ORC3: variants seen among roughly 807,000 people sequenced by gnomAD.
ORC3 encodes the protein homolog of latheo, Drosophila.
ORC3 carries 78 observed loss-of-function variants against 100.7 expected under a neutral mutation model. That is an observed-to-expected ratio of 0.77 (90% CI 0.65 to 0.94). ORC3 has a LOEUF of 0.94. Ranked by LOEUF, ORC3 falls within the 40% of genes least tolerant of loss-of-function variation. The probability of loss-of-function intolerance (pLI) is 0.00; values close to 1 mark genes in which losing one functional copy is unlikely to be tolerated. For synonymous variants in ORC3, 295 were observed against 289.3 expected (o/e 1.02, Z -0.20); for missense variants, 789 against 823.9 (o/e 0.96, Z 0.52).
At chr6:87,643,505 G>T (rs2128283212) in intron 13 of ORC3, among the ~76,000 whole-genome samples, 1 of 152,266 alleles carries the variant, frequency 6.6e-6, no homozygotes, top group South Asian at 2.1e-4. Flanking sequence ...CTGAATGGCT[G>T]TAGGCAGTTG....
chr6:87,663,148 A>G lies in ORC3; in HGVS notation c.1833+4A>G. The G allele has an allele frequency of 6.2e-7, 1 of 1,606,928 alleles. No individual in the cohort carries two copies. The highest frequency in any genetic ancestry group is 8.5e-7 in the Non-Finnish European group (1 of 1,174,730). On this transcript the variant is annotated splice_donor_region_variant and intron_variant, in intron 17 of 19. Coordinates refer to ENST00000392844, the MANE Select transcript of ORC3 (RefSeq NM_012381.4). ...CAATCCTTACTATTATCTCAAGGTA[A>G]GATGAACATTTAGTTTTCTGATAGT...
intron 2 of ORC3, 141 bp downstream of exon 2, chr6:87,594,548 G>A (rs1777288515): frequency 1.5e-6 from 2 of 1,341,884 alleles, no homozygotes; most frequent in Non-Finnish European, 1.9e-6. Context: ...CAAGGCATTG[G>A]TCAAAGAGAT....
At position 87,654,508 on chromosome 6, in the gene ORC3, T is replaced by A. The variant is rs557184024; in HGVS notation, c.1516+1259T>A. On this transcript the variant is annotated intron_variant, in intron 14 of 19. Coordinates refer to ENST00000392844, the MANE Select transcript of ORC3 (RefSeq NM_012381.4). Reference sequence around the variant, plus strand: ...AGCTATATAACCAGAAACTAAAGTCTAGGAGAAGACGGCAGCTTGTTTGAG... The same window carrying A: ...AGCTATATAACCAGAAACTAAAGTCAAGGAGAAGACGGCAGCTTGTTTGAG... 3.0e-4 allele frequency among the ~76,000 whole-genome samples: 46 copies of A among 152,346 alleles called. 1 individual carries two copies. Among genetic ancestry groups the A allele is most frequent in the African/African-American group, 9.6e-4 (40 of 41,588 alleles).
At position 87,667,268 on chromosome 6, in the gene ORC3, C is replaced by G. The variant is rs1250880765; in HGVS notation, c.*145C>G. 12 of 549,272 alleles carry G rather than the reference C, an allele frequency of 2.2e-5. No homozygotes were observed. Among genetic ancestry groups the G allele is most frequent in the Non-Finnish European group, 3.8e-5 (12 of 313,772 alleles). 34.0% of individuals were successfully genotyped at this position (549,272 alleles called of 1,614,324 possible). On this transcript the variant is annotated 3_prime_UTR_variant, in exon 20 of 20. Transcript: ENST00000392844. ...GATGTTTAACCAGAAAAGTACATTG[C>G]TAACCCCAAACAGGCATGTATCAAA...
chr6:87,609,018 T>G (rs897289042), intron 6 of ORC3, 78 bp from the exon 7 acceptor site: 8 of 1,151,170 alleles, frequency 6.9e-6, no homozygotes, highest in Non-Finnish European at 9.6e-6. Context: ...AAGAGAGATA[T>G]GTCAACATGT....
intron 7 of ORC3, among the ~76,000 whole-genome samples, chr6:87,611,495 A>G (rs1240680237): frequency 6.6e-6 from 1 of 152,124 alleles, no homozygotes; most frequent in Non-Finnish European, 1.5e-5. Context: ...TTAAGATTGT[A>G]TAATCTTCGG....
At chr6:87,645,040 G>A (rs189717816) in intron 13 of ORC3, among the ~76,000 whole-genome samples, 217 of 152,020 alleles carry the variant, frequency 1.4e-3, no homozygotes, top group Non-Finnish European at 2.4e-3. Flanking sequence ...TTTAGAAAAA[G>A]TATTCTTCAC....
At chr6:87,664,506 G>A (rs1251810098) in intron 17 of ORC3, among the ~76,000 whole-genome samples, 5 of 152,128 alleles carry the variant, frequency 3.3e-5, no homozygotes, top group Non-Finnish European at 1.5e-5. Context: ...TGAAAAATAT[G>A]CTTATCTTCT....
chr6:87,597,680 T>TGTAC (rs1777557184), intron 2 of ORC3, among the ~76,000 whole-genome samples: 1 of 138,436 alleles, frequency 7.2e-6, no homozygotes, highest in Admixed American at 7.3e-5. Flanking sequence ...TATATATATA[T>TGTAC]ACACACACAC....
intron 11 of ORC3, among the ~76,000 whole-genome samples, chr6:87,624,303 G>T (rs1423288488): frequency 6.6e-6 from 1 of 152,132 alleles, no homozygotes; most frequent in Non-Finnish European, 1.5e-5. Context: ...GGCCAATATG[G>T]TGAAACCCTG....
At chr6:87,591,783 G>C (rs908642259) in intron 1 of ORC3, among the ~76,000 whole-genome samples, 1 of 151,946 alleles carries the variant, frequency 6.6e-6, no homozygotes, top group African/African-American at 2.4e-5. Flanking sequence ...CCAGGCTGGA[G>C]TGCAGTGGCG....
rs1437447242 is a variant in ORC3, at chr6:87,622,023, T to G, written c.1185+10T>G. 6.4e-7 allele frequency: 1 copy of G among 1,569,508 alleles called. No homozygotes were observed. The highest frequency in any genetic ancestry group is 1.7e-5 in the Admixed American group (1 of 58,730). On this transcript the variant is annotated intron_variant, in intron 11 of 19. Transcript: ENST00000392844. ...TGAGAGATATTTGAAGGTAGGAATG[T>G]GAATGTGTTTCAGTTTCATTCTCTT...
At chr6:87,633,499 C>T (rs1767584857) in intron 11 of ORC3, among the ~76,000 whole-genome samples, 1 of 152,190 alleles carries the variant, frequency 6.6e-6, no homozygotes, top group African/African-American at 2.4e-5. Context: ...TTTCTTTAAT[C>T]TGCCATGTGC....
intron 13 of ORC3, among the ~76,000 whole-genome samples, chr6:87,652,142 C>T (rs1246636637): frequency 1.3e-5 from 2 of 152,122 alleles, no homozygotes; most frequent in Non-Finnish European, 2.9e-5. Context: ...TCGTGGTCCA[C>T]CCGCCTCGGC....
At chr6:87,633,819 G>C (rs1767611315) in intron 11 of ORC3, among the ~76,000 whole-genome samples, 1 of 152,054 alleles carries the variant, frequency 6.6e-6, no homozygotes, top group African/African-American at 2.4e-5. Context: ...AAGGAATTGA[G>C]GCCTGAAAAT....
chr6:87,647,948 C>G lies in ORC3; in HGVS notation c.1383-5168C>G, dbSNP rs527298866. Among the ~76,000 whole-genome samples the G allele has an allele frequency of 1.2e-4, 18 of 152,284 alleles. 1 individual carries two copies. In the South Asian group the frequency reaches 3.3e-3, roughly 28 times the overall value. On this transcript the variant is annotated intron_variant, in intron 13 of 19. Coordinates refer to ENST00000392844, the MANE Select transcript of ORC3 (RefSeq NM_012381.4). ...GCCGCAGTGGCTCATGCCTGTAATCCCAGCACTTTGGGAGGCCGAGGCAGG... is the reference window on the plus strand; with the variant it reads ...GCCGCAGTGGCTCATGCCTGTAATCGCAGCACTTTGGGAGGCCGAGGCAGG...
In ORC3 at chr6:87,653,124, C is replaced by T. The variant is rs371508516; in HGVS notation, c.1391C>T (p.Ala464Val). The T allele has an allele frequency of 2.5e-6, 4 of 1,611,310 alleles. No individual in the cohort carries two copies. In the African/African-American group the frequency reaches 4.0e-5, roughly 16 times the overall value. ...CACTGACTCTGTTCTAGGATGTTGG[C>T]AAAGGATGAACTGATGACCATACTT... Reference protein sequence around the residue: ...ASVLQLLRMLAKDELMTILEK... With the variant: ...ASVLQLLRMLVKDELMTILEK... The change falls in exon 14 of 20, where the codon GCA (alanine) becomes GTA (valine). Residue 464 changes from alanine to valine, a missense_variant. Physicochemically the swap from Ala to Val is moderately conservative, Grantham distance 64. This residue lies in a region of ORC3 where 366 missense variants were observed against 394.2 expected (regional missense o/e 0.93). Coordinates refer to ENST00000392844, the MANE Select transcript of ORC3 (RefSeq NM_012381.4).
intron 13 of ORC3, among the ~76,000 whole-genome samples, chr6:87,644,076 GTCCTT>G (rs1583126016): frequency 1.0e-5 from 1 of 99,676 alleles, no homozygotes; most frequent in Non-Finnish European, 1.9e-5. Flanking sequence ...ATGGCTGACT[GTCCTT>G]TTTTTTTTTT....
In ORC3 at chr6:87,667,200, G is replaced by C; in HGVS notation, c.*77G>C. On this transcript the variant is annotated 3_prime_UTR_variant, in exon 20 of 20. Coordinates refer to ENST00000392844, the MANE Select transcript of ORC3 (RefSeq NM_012381.4). ...TGACCAGTCATATTTACATATATTA[G>C]AGGAGCCTGTTTTGTTGAGAAGATA... is the stretch of plus-strand genomic sequence containing the variant. 1.2e-6 allele frequency: 1 copy of C among 820,414 alleles called. No individual in the cohort carries two copies. The highest frequency in any genetic ancestry group is 2.0e-6 in the Non-Finnish European group (1 of 509,204). The allele number at this position is 820,414 out of a possible 1,614,324, so 50.8% of individuals were successfully genotyped here. A position where few individuals can be genotyped will look rare whatever the true frequency, so the allele number is the denominator to read the frequency against.
Sources: allele counts gnomAD v4.1 joint callset (sites outside exome capture counted in the v4.1 genomes callset), GRCh38; gene constraint gnomAD v4.1.1; regional missense constraint gnomAD v4.1.1; transcripts MANE v1.5; gene names NCBI Gene and HGNC (gene_info 2026-07-23, HGNC 2026-07-21).